The following CPA6 variants were observed in gnomAD, a reference collection of about 807,000 sequenced individuals.
CPA6 encodes carboxypeptidase A6.
A neutral mutation model predicts 63.3 loss-of-function variants in CPA6; 58 were observed. The ratio of observed to expected loss-of-function variants is 0.92; its 90% CI spans 0.74 to 1.14. The LOEUF is 1.14. Ranked by LOEUF, CPA6 falls within the 50% of genes most tolerant of loss-of-function variation. The pLI is 0.00. For synonymous variants in CPA6, 185 were observed against 179.0 expected (o/e 1.03, Z -0.27); for missense variants, 565 against 526.6 (o/e 1.07, Z -0.71).
intron 8 of CPA6, among the ~76,000 whole-genome samples, chr8:67,466,095 T>C (rs1810919982): frequency 6.6e-6 from 1 of 151,420 alleles, no homozygotes; most frequent in African/African-American, 2.4e-5. Flanking sequence ...TTTTTTTTTT[T>C]TTTTTTTTGG....
At chr8:67,484,545 G>A in intron 7 of CPA6, 134 bp downstream of exon 7, 1 of 539,744 alleles carries the variant, frequency 1.9e-6, no homozygotes, top group African/African-American at 1.9e-5. Flanking sequence ...GGGAAAGAGT[G>A]AAGGCCTCTT....
At chr8:67,671,941 T>A (rs1587689513) in intron 1 of CPA6, among the ~76,000 whole-genome samples, 1 of 152,158 alleles carries the variant, frequency 6.6e-6, no homozygotes. Flanking sequence ...ACAATTCTCC[T>A]GCCTCAGCCT....
intron 2 of CPA6, among the ~76,000 whole-genome samples, chr8:67,587,071 G>C (rs189495102): frequency 6.6e-6 from 1 of 152,188 alleles, no homozygotes; most frequent in African/African-American, 2.4e-5. Context: ...GAGGATAATG[G>C]GTATTATGTT....
intron 2 of CPA6, among the ~76,000 whole-genome samples, chr8:67,531,227 G>C (rs1812470820): frequency 6.6e-6 from 1 of 151,952 alleles, no homozygotes; most frequent in East Asian, 1.9e-4. Flanking sequence ...GGGATGTAAG[G>C]TATCTAGAAA....
intron 1 of CPA6, among the ~76,000 whole-genome samples, chr8:67,697,962 A>T (rs1417848283): frequency 6.6e-6 from 1 of 152,194 alleles, no homozygotes; most frequent in Non-Finnish European, 1.5e-5. Flanking sequence ...AGTAAATGCT[A>T]AAAACTATAA....
At chr8:67,503,892 C>T (rs754858001) in intron 6 of CPA6, among the ~76,000 whole-genome samples, 2 of 152,070 alleles carry the variant, frequency 1.3e-5, no homozygotes, top group Admixed American at 6.5e-5. Context: ...TTTTAATGCT[C>T]TCGCTCCCAT....
At chr8:67,628,438 T>C (rs1815242689) in intron 1 of CPA6, among the ~76,000 whole-genome samples, 1 of 152,222 alleles carries the variant, frequency 6.6e-6, no homozygotes, top group Non-Finnish European at 1.5e-5. Flanking sequence ...CTAAACTTCT[T>C]TGTACGTTAC....
At chr8:67,727,693 C>T (rs1166510240) in intron 1 of CPA6, among the ~76,000 whole-genome samples, 2 of 152,200 alleles carry the variant, frequency 1.3e-5, no homozygotes, top group Admixed American at 1.3e-4. Flanking sequence ...CATAATAAGA[C>T]AACTTTTGTT....
At chr8:67,626,349 G>A (rs1352361331) in intron 1 of CPA6, among the ~76,000 whole-genome samples, 1 of 152,092 alleles carries the variant, frequency 6.6e-6, no homozygotes, top group Non-Finnish European at 1.5e-5. Context: ...AATCATGATA[G>A]TTTTATTATT....
chr8:67,501,381 A>G (rs1811827495), intron 6 of CPA6, among the ~76,000 whole-genome samples: 1 of 152,118 alleles, frequency 6.6e-6, no homozygotes, highest in Non-Finnish European at 1.5e-5. Context: ...TATTATGTAT[A>G]TGGAAATAAA....
chr8:67,490,198 A>G (rs1811574146), intron 6 of CPA6, among the ~76,000 whole-genome samples: 1 of 152,152 alleles, frequency 6.6e-6, no homozygotes, highest in Non-Finnish European at 1.5e-5. Flanking sequence ...GGGGTTTCTA[A>G]AAGAAACGTA....
intron 10 of CPA6, among the ~76,000 whole-genome samples, chr8:67,427,224 C>T (rs1372605347): frequency 6.6e-6 from 1 of 152,220 alleles, no homozygotes; most frequent in Admixed American, 6.5e-5. Context: ...CAACCCTTAT[C>T]TTCCATTGGT....
intron 8 of CPA6, among the ~76,000 whole-genome samples, chr8:67,447,096 A>G (rs902757566): frequency 5.9e-5 from 9 of 151,826 alleles, no homozygotes; most frequent in Non-Finnish European, 1.0e-4. Context: ...ATACACACAT[A>G]TATATACACA....
At chr8:67,740,616 C>A (rs962045155) in intron 1 of CPA6, among the ~76,000 whole-genome samples, 2 of 152,180 alleles carry the variant, frequency 1.3e-5, no homozygotes, top group African/African-American at 2.4e-5. Context: ...GATGCCCAGA[C>A]TGGAGTGCAA....
chr8:67,481,555 A>G (rs1811361487), intron 8 of CPA6, among the ~76,000 whole-genome samples: 1 of 152,242 alleles, frequency 6.6e-6, no homozygotes, highest in African/African-American at 2.4e-5. Flanking sequence ...CATGGTAAAA[A>G]GCAGTTTCAT....
intron 2 of CPA6, among the ~76,000 whole-genome samples, chr8:67,549,043 A>G (rs763984599): frequency 1.1e-4 from 17 of 152,216 alleles, no homozygotes; most frequent in Non-Finnish European, 2.4e-4. Flanking sequence ...GGATCTACAT[A>G]ATGATATTGA....
chr8:67,486,847 C>T (rs1358815390), intron 6 of CPA6, among the ~76,000 whole-genome samples: 1 of 151,672 alleles, frequency 6.6e-6, no homozygotes, highest in Admixed American at 6.6e-5. Flanking sequence ...TGCTCTTTAA[C>T]ATTTTGTTGT....
intron 9 of CPA6, among the ~76,000 whole-genome samples, chr8:67,430,121 G>GTA (rs1463337539): frequency 6.3e-4 from 83 of 132,118 alleles, no homozygotes; most frequent in East Asian, 2.1e-3. Flanking sequence ...TAAGTAAATG[G>GTA]TATATATATA....
intron 1 of CPA6, among the ~76,000 whole-genome samples, chr8:67,643,614 G>C (rs1340913622): frequency 6.6e-6 from 1 of 152,078 alleles, no homozygotes; most frequent in Admixed American, 6.6e-5. Context: ...AGGGGAGAGG[G>C]AAAGAGAGAT....
Sources: gnomAD v4.1 joint callset for allele counts (sites outside exome capture counted in the v4.1 genomes callset) on GRCh38, gnomAD v4.1.1 for gene constraint, MANE v1.5 for transcripts, NCBI Gene and HGNC (gene_info 2026-07-23, HGNC 2026-07-21) for gene names.